HCN3: variants seen among roughly 807,000 people sequenced by gnomAD.
HCN3 encodes hyperpolarization activated cyclic nucleotide gated potassium channel 3.
In HCN3, 36 loss-of-function variants were observed where a neutral mutation model predicts 56.8. The ratio of observed to expected loss-of-function variants is 0.63; its 90% CI spans 0.49 to 0.84. The LOEUF is 0.84. HCN3 is among the 40% of genes least tolerant of loss of function. HCN3 has a pLI of 0.00. For missense variants in HCN3, 930 were observed against 1,079.3 expected (o/e 0.86, Z 1.94); for synonymous variants, 425 against 439.7 (o/e 0.97, Z 0.42).
intron 7 of HCN3, 138 bp from the exon 8 acceptor site, chr1:155,287,643 C>T: frequency 8.8e-7 from 1 of 1,141,834 alleles, no homozygotes; most frequent in Admixed American, 2.8e-5. Flanking sequence ...ACCCCCATAG[C>T]CCCATTGCCA....
At chr1:155,283,181 T>G (rs1242497521) in intron 2 of HCN3, among the ~76,000 whole-genome samples, 3 of 152,150 alleles carry the variant, frequency 2.0e-5, no homozygotes, top group Non-Finnish European at 4.4e-5. Context: ...CAGCAGAGTT[T>G]AGTGGTTCAG....
Position 155,283,979 on chromosome 1 carries a change from T to G in HCN3, c.714T>G (p.Phe238Leu). 1 of 1,613,174 alleles carries G rather than the reference T, an allele frequency of 6.2e-7. No individual in the cohort carries two copies. Among genetic ancestry groups the G allele is most frequent in the South Asian group, 1.1e-5 (1 of 91,046 alleles). The change falls in exon 3 of 8, where the codon TTT becomes TTG. Residue 238 changes from phenylalanine (F) to leucine (L), a missense_variant. Transcript: ENST00000368358. ...IRYIHQWEEIFHMTYDLASAV... is the reference protein window; with the variant it reads ...IRYIHQWEEILHMTYDLASAV... Reference sequence around the variant, plus strand: ...CTCCTCCTCGGACTCCTCAGATCTTTCACATGACCTATGACCTGGCCAGTG... The same window carrying G: ...CTCCTCCTCGGACTCCTCAGATCTTGCACATGACCTATGACCTGGCCAGTG...
chr1:155,283,072 C>T (rs1674139065), intron 2 of HCN3, among the ~76,000 whole-genome samples: 1 of 151,930 alleles, frequency 6.6e-6, no homozygotes, highest in Non-Finnish European at 1.5e-5. Context: ...AAGATGGTGG[C>T]ACAGGAGGGT....
At position 155,285,055 on chromosome 1, in the gene HCN3, C is replaced by A; in HGVS notation, c.1090-110C>A. The A allele has an allele frequency of 1.6e-6, 2 of 1,239,266 alleles. No homozygotes were observed. Among genetic ancestry groups the A allele is most frequent in the Non-Finnish European group, 2.3e-6 (2 of 887,804 alleles). The allele number at this position is 1,239,266 out of a possible 1,614,324, so 76.8% of individuals were successfully genotyped here. On this transcript the variant is annotated intron_variant, in intron 4 of 7. Transcript: ENST00000368358. This position sits in a 1 kb window ranked among gnomAD's most constrained non-coding sequence, Gnocchi z 4.5. The stretch of plus-strand genomic sequence containing the variant: ...TATCCATGTCTGGTTCCACGTTTCA[C>A]CCCTTTGAGTTTGACCTGTGTCTCT...
Position 155,288,900 on chromosome 1 carries a change from C to G in HCN3, c.*437C>G, listed in dbSNP as rs960457865. On this transcript the variant is annotated 3_prime_UTR_variant, in exon 8 of 8. Transcript: ENST00000368358. This position sits in a 1 kb window ranked among gnomAD's most constrained non-coding sequence, Gnocchi z 6.5. ...ATGTCTCTGTTTCCCTGCCAATGAT[C>G]CTGCAGGTTCTGCCCGGTCTGGTTA... 1 of 169,154 alleles carries G rather than the reference C, an allele frequency of 5.9e-6. No individual in the cohort carries two copies. The highest frequency in any genetic ancestry group is 2.4e-5 in the African/African-American group (1 of 41,916). 10.5% of individuals were successfully genotyped at this position (169,154 alleles called of 1,614,324 possible).
In HCN3 at chr1:155,284,838, T is replaced by C. The variant is rs1259466600; in HGVS notation, c.1089+81T>C. On this transcript the variant is annotated intron_variant, in intron 4 of 7. Coordinates refer to ENST00000368358, the MANE Select transcript of HCN3 (RefSeq NM_020897.3). This position sits in a 1 kb window ranked among gnomAD's most constrained non-coding sequence, Gnocchi z 4.3. ...GCCTGACTTGAGGCCCATTCTGATG[T>C]GTGCCCCTGTTGCGTCTCTGTTTCC... The C allele has an allele frequency of 1.6e-6, 2 of 1,246,338 alleles. No homozygotes were observed. Among genetic ancestry groups the C allele is most frequent in the Non-Finnish European group, 2.3e-6 (2 of 888,342 alleles). The allele number at this position is 1,246,338 out of a possible 1,614,324, so 77.2% of individuals were successfully genotyped here.
intron 1 of HCN3, among the ~76,000 whole-genome samples, chr1:155,280,738 ATTTTTTTTTTT>A (rs34480594): frequency 0.048 from 1,660 of 34,512 alleles, 12 homozygotes; most frequent in Admixed American, 0.071. Flanking sequence ...ACGCCCAGCT[ATTTTTTTTTTT>A]TTTTTTTTTT....
chr1:155,281,219 C>T (rs1294199852), intron 1 of HCN3, among the ~76,000 whole-genome samples: 3 of 151,518 alleles, frequency 2.0e-5, no homozygotes, highest in African/African-American at 7.3e-5. Context: ...TACAGGTGTG[C>T]ACCACCATGC....
chr1:155,288,433 C>T lies in HCN3; in HGVS notation c.2295C>T (p.Pro765=). 1.2e-6 allele frequency: 2 copies of T among 1,606,600 alleles called. No homozygotes were observed. The highest frequency in any genetic ancestry group is 1.7e-6 in the Non-Finnish European group (2 of 1,176,990). ...CACCAGTGCCTGAGCCAGCCACACC[C>T]CGGGGTCTCCAGCTTTCTGCCAACA... ...PRPPVPEPAT[P]RGLQLSANM is the part of the protein sequence containing the mutation. Residue 765 remains proline (P), a synonymous_variant, in exon 8 of 8, where the codon CCC becomes CCT. Coordinates refer to ENST00000368358, the MANE Select transcript of HCN3 (RefSeq NM_020897.3). This position sits in a 1 kb window ranked among gnomAD's most constrained non-coding sequence, Gnocchi z 6.5.
In HCN3 at chr1:155,285,790, A is replaced by G. The variant is rs1301390333; in HGVS notation, c.1303A>G (p.Ser435Gly). 6.2e-7 allele frequency: 1 copy of G among 1,613,944 alleles called. No individual in the cohort carries two copies. The highest frequency in any genetic ancestry group is 1.1e-5 in the South Asian group (1 of 91,072). The change falls in exon 6 of 8, where the codon AGC becomes GGC. Residue 435 changes from serine to glycine, a missense_variant. Coordinates refer to ENST00000368358, the MANE Select transcript of HCN3 (RefSeq NM_020897.3). This position sits in a 1 kb window ranked among gnomAD's most constrained non-coding sequence, Gnocchi z 4.5. Reference sequence around the variant, plus strand: ...GCCGCTGTTTGCCCATGCCGACCCCAGCTTCGTCACTGCAGTTCTCACCAA... The same window carrying G: ...GCCGCTGTTTGCCCATGCCGACCCCGGCTTCGTCACTGCAGTTCTCACCAA... ...HMPLFAHADP[S>G]FVTAVLTKLR...
chr1:155,285,927 C>A lies in HCN3; in HGVS notation c.1440C>A (p.Ala480=), dbSNP rs1674267538. The A allele has an allele frequency of 1.2e-6, 2 of 1,604,578 alleles. No homozygotes were observed. The highest frequency in any genetic ancestry group is 2.7e-5 in the African/African-American group (2 of 74,774). ...HGLLSVLARG[A]RDTRLTDGSY... ...TGCTCAGTGTGCTGGCCCGCGGCGC[C>A]CGGGACACACGCCTCACCGATGGAT... Residue 480 remains alanine, a synonymous_variant, in exon 6 of 8, where the codon GCC becomes GCA. Coordinates refer to ENST00000368358, the MANE Select transcript of HCN3 (RefSeq NM_020897.3). The surrounding 1 kb of genome is among the most constrained non-coding windows in gnomAD (Gnocchi z 4.5).
rs1674077299 is a variant in HCN3, at chr1:155,282,063, C to CTT, written c.279-347_279-346dup. The stretch of plus-strand genomic sequence containing the variant: ...AGCCCATAAATAGTGTATTTATCTA[C>CTT]TTATCTGTCTACATTTTTCTACACA... On this transcript the variant is annotated intron_variant, in intron 1 of 7. Transcript: ENST00000368358. The surrounding 1 kb of genome is among the most constrained non-coding windows in gnomAD (Gnocchi z 4.7). Among the ~76,000 whole-genome samples the CTT allele has an allele frequency of 1.3e-5, 2 of 152,278 alleles. No individual in the cohort carries two copies. Among genetic ancestry groups the CTT allele is most frequent in the African/African-American group, 4.8e-5 (2 of 41,554 alleles).
At position 155,287,210 on chromosome 1, in the gene HCN3, T is replaced by C. The variant is rs149894199; in HGVS notation, c.1515T>C (p.Ser505=). The C allele has an allele frequency of 5.3e-5, 86 of 1,613,966 alleles. No homozygotes were observed. The East Asian group carries it at 1.8e-3, about 33-fold the overall frequency. ...TAACTAGGGGCCGGCGCACAGCCAG[T>C]GTTCGGGCTGACACCTACTGCCGCC... The part of the protein sequence containing the change: ...CLLTRGRRTA[S]VRADTYCRLY... Residue 505 remains serine (S), a synonymous_variant, in exon 7 of 8, where the codon AGT becomes AGC. Transcript: ENST00000368358.
chr1:155,284,816 T>G lies in HCN3; in HGVS notation c.1089+59T>G. 6.9e-7 allele frequency: 1 copy of G among 1,458,676 alleles called. No individual in the cohort carries two copies. The highest frequency in any genetic ancestry group is 9.4e-7 in the Non-Finnish European group (1 of 1,068,100). 90.4% of individuals were successfully genotyped at this position (1,458,676 alleles called of 1,614,324 possible). A position where few individuals can be genotyped will look rare whatever the true frequency, so the allele number is the denominator to read the frequency against. On this transcript the variant is annotated intron_variant, in intron 4 of 7. Coordinates refer to ENST00000368358, the MANE Select transcript of HCN3 (RefSeq NM_020897.3). This position sits in a 1 kb window ranked among gnomAD's most constrained non-coding sequence, Gnocchi z 4.3. ...GAGGGGTGTTGGAGACTGGGTAGCC[T>G]GACTTGAGGCCCATTCTGATGTGTG...
At position 155,288,007 on chromosome 1, in the gene HCN3, C is replaced by A; in HGVS notation, c.1869C>A (p.Ala623=). Residue 623 remains alanine (A), a synonymous_variant, in exon 8 of 8, where the codon GCC becomes GCA. Transcript: ENST00000368358. This position sits in a 1 kb window ranked among gnomAD's most constrained non-coding sequence, Gnocchi z 6.5. ...CTGTGACCTCCAATGTGGCCATTGC[C>A]CTGACTCATCAGCGGGGCCCTCTGC... ...AAAVTSNVAI[A]LTHQRGPLPL... The A allele has an allele frequency of 6.2e-7, 1 of 1,614,080 alleles. No individual in the cohort carries two copies. The highest frequency in any genetic ancestry group is 8.5e-7 in the Non-Finnish European group (1 of 1,180,018).
chr1:155,288,031 G>A lies in HCN3; in HGVS notation c.1893G>A (p.Leu631=). 1 of 1,613,900 alleles carries A rather than the reference G, an allele frequency of 6.2e-7. No homozygotes were observed. Among genetic ancestry groups the A allele is most frequent in the South Asian group, 1.1e-5 (1 of 91,086 alleles). ...CCCTGACTCATCAGCGGGGCCCTCT[G>A]CCCCTCTCCCCTGACTCTCCAGCCA... The part of the protein sequence containing the change: ...AIALTHQRGP[L]PLSPDSPATL... The change falls in exon 8 of 8, where the codon CTG becomes CTA. Residue 631 remains leucine (L), a synonymous_variant. Coordinates refer to ENST00000368358, the MANE Select transcript of HCN3 (RefSeq NM_020897.3). This position sits in a 1 kb window ranked among gnomAD's most constrained non-coding sequence, Gnocchi z 6.5.
intron 1 of HCN3, among the ~76,000 whole-genome samples, chr1:155,280,950 C>T (rs1674020615): frequency 6.7e-6 from 1 of 149,322 alleles, no homozygotes; most frequent in Non-Finnish European, 1.5e-5. Flanking sequence ...GATGAGGTTT[C>T]TCCATGTTGG....
In HCN3 at chr1:155,288,191, C is replaced by T. The variant is rs1470737272; in HGVS notation, c.2053C>T (p.Arg685Trp). 1.3e-6 allele frequency: 2 copies of T among 1,574,590 alleles called. No individual in the cohort carries two copies. The highest frequency in any genetic ancestry group is 1.7e-6 in the Non-Finnish European group (2 of 1,165,164). The change falls in exon 8 of 8, where the codon CGG (arginine) becomes TGG (tryptophan). Residue 685 changes from arginine (R) to tryptophan (W), a missense_variant. Coordinates refer to ENST00000368358, the MANE Select transcript of HCN3 (RefSeq NM_020897.3). The surrounding 1 kb of genome is among the most constrained non-coding windows in gnomAD (Gnocchi z 6.5). ...PARTLHASLS[R>W]AGRSQVSLLG... ...CCGAACCCTGCACGCCAGCCTATCCCGGGCAGGGCGCTCCCAGGTCTCCCT... is the reference window on the plus strand; with the variant it reads ...CCGAACCCTGCACGCCAGCCTATCCTGGGCAGGGCGCTCCCAGGTCTCCCT...
At position 155,282,798 on chromosome 1, in the gene HCN3, C is replaced by T. The variant is rs760281033; in HGVS notation, c.666C>T (p.Leu222=). ...AGATCCTAAGCCTGCTGAGGCTGCT[C>T]CGCCTCTCCCGCCTCATCCGCTACA... ...FTKILSLLRL[L]RLSRLIRYIH... Residue 222 remains leucine (L), a synonymous_variant, in exon 2 of 8, where the codon CTC becomes CTT. Coordinates refer to ENST00000368358, the MANE Select transcript of HCN3 (RefSeq NM_020897.3). This position sits in a 1 kb window ranked among gnomAD's most constrained non-coding sequence, Gnocchi z 4.7. 3.1e-6 allele frequency: 5 copies of T among 1,608,736 alleles called. No homozygotes were observed. The highest frequency in any genetic ancestry group is 4.2e-6 in the Non-Finnish European group (5 of 1,177,000).
Sources: allele counts gnomAD v4.1 joint callset (sites outside exome capture counted in the v4.1 genomes callset), GRCh38; gene constraint gnomAD v4.1.1; non-coding constraint Gnocchi (gnomAD v3.1); transcripts MANE v1.5; gene names NCBI Gene and HGNC (gene_info 2026-07-23, HGNC 2026-07-21).